The following STK4 variants were observed in gnomAD, a reference collection of about 807,000 sequenced individuals.
The protein encoded by STK4 is serine/threonine-protein kinase 4.
STK4 carries 30 observed loss-of-function variants against 64.9 expected under a neutral mutation model. The ratio of observed to expected loss-of-function variants is 0.46; its 90% CI spans 0.35 to 0.63. STK4 has a LOEUF of 0.63. Among genes scored for constraint, STK4 ranks in the 20% least tolerant of loss-of-function variants. The pLI is 0.01. For missense variants in STK4, 466 were observed against 598.5 expected, an observed-to-expected ratio of 0.78 and a Z score of 2.31; for synonymous variants, 177 against 199.0, an observed-to-expected ratio of 0.89 and a Z score of 0.93.
chr20:45,011,406 C>T (rs984816737), intron 9 of STK4, among the ~76,000 whole-genome samples: 14 of 151,922 alleles, frequency 9.2e-5, no homozygotes, highest in African/African-American at 1.2e-4. Context: ...TTTAAGTAAC[C>T]GCAGTGACAC....
chr20:44,981,639 C>A (rs1172983478), intron 3 of STK4, among the ~76,000 whole-genome samples, 190 bp from the exon 4 acceptor site: 7 of 152,040 alleles, frequency 4.6e-5, no homozygotes, highest in Non-Finnish European at 4.4e-5. Context: ...GTTTTTTATA[C>A]TTTTGTGATT....
At chr20:44,987,086 C>A in intron 4 of STK4, 46 bp from the exon 5 acceptor site, 1 of 1,457,030 alleles carries the variant, frequency 6.9e-7, no homozygotes, top group Non-Finnish European at 9.3e-7. Flanking sequence ...TTTTCTAATG[C>A]GCTGATGTAA....
intron 10 of STK4, among the ~76,000 whole-genome samples, chr20:45,045,916 C>T (rs1030054610): frequency 3.3e-5 from 5 of 152,002 alleles, no homozygotes; most frequent in South Asian, 2.1e-4. Flanking sequence ...AAATGATTCT[C>T]CTGCCTCAGC....
chr20:44,981,287 A>G (rs1312039624), intron 3 of STK4, among the ~76,000 whole-genome samples: 1 of 151,764 alleles, frequency 6.6e-6, no homozygotes, highest in Non-Finnish European at 1.5e-5. Flanking sequence ...CCCGAGTAGC[A>G]GGGACTACAG....
chr20:45,010,437 T>A (rs1017450095), intron 9 of STK4, among the ~76,000 whole-genome samples: 2 of 152,218 alleles, frequency 1.3e-5, no homozygotes, highest in African/African-American at 4.8e-5. Flanking sequence ...TAATAATAAT[T>A]ATTAGTGATT....
intron 10 of STK4, among the ~76,000 whole-genome samples, chr20:45,051,133 T>C (rs1275268720): frequency 6.6e-6 from 1 of 152,184 alleles, no homozygotes; most frequent in East Asian, 1.9e-4. Context: ...CAGAACACCG[T>C]ATTGGTTTTG....
At chr20:44,972,611 G>A (rs1026810617) in intron 2 of STK4, 3 of 152,728 alleles carry the variant, frequency 2.0e-5, no homozygotes, top group African/African-American at 7.2e-5. Flanking sequence ...CCTGGGTTGG[G>A]AGCCAGTGGA....
intron 5 of STK4, among the ~76,000 whole-genome samples, chr20:44,988,527 G>GTA (rs1346353032): frequency 3.3e-5 from 3 of 91,444 alleles, no homozygotes; most frequent in African/African-American, 1.4e-4. Flanking sequence ...ATATATATGT[G>GTA]TGTGTGTATA....
chr20:45,005,017 C>T (rs1456565780), intron 9 of STK4, among the ~76,000 whole-genome samples: 9 of 151,714 alleles, frequency 5.9e-5, no homozygotes, highest in African/African-American at 2.2e-4. Context: ...GTAATCCGCC[C>T]GCCTTGGCCT....
At chr20:44,979,161 G>A (rs939865853) in intron 3 of STK4, among the ~76,000 whole-genome samples, 26 of 152,086 alleles carry the variant, frequency 1.7e-4, no homozygotes, top group African/African-American at 5.8e-4. Context: ...AGAAGGTGGT[G>A]CTTGCTTTTT....
intron 10 of STK4, among the ~76,000 whole-genome samples, chr20:45,026,988 G>A (rs930631965): frequency 6.6e-6 from 1 of 152,122 alleles, no homozygotes; most frequent in Non-Finnish European, 1.5e-5. Context: ...TGTGTATAAG[G>A]ACTGATTTCT....
chr20:45,012,419 T>A (rs1366512147), intron 9 of STK4, among the ~76,000 whole-genome samples: 1 of 152,234 alleles, frequency 6.6e-6, no homozygotes, highest in African/African-American at 2.4e-5. Context: ...ATACACAGAT[T>A]AATTAGGCAG....
chr20:44,996,393 A>G (rs1259882585), intron 6 of STK4, among the ~76,000 whole-genome samples: 1 of 152,088 alleles, frequency 6.6e-6, no homozygotes, highest in Non-Finnish European at 1.5e-5. Flanking sequence ...TCCTTACCAC[A>G]GCTCTTCCTC....
At chr20:45,066,406 C>G (rs997736313) in intron 10 of STK4, among the ~76,000 whole-genome samples, 1 of 152,194 alleles carries the variant, frequency 6.6e-6, no homozygotes. Flanking sequence ...AAATCATATT[C>G]TTTATACATA....
chr20:45,071,255 C>A lies in STK4; in HGVS notation c.1306-3763C>A, dbSNP rs759845345. ...AAAACAGCTCAAGCTACTTACATGG[C>A]TGGATTGAGAATTTGCTGCTTCAAG... is the stretch of plus-strand genomic sequence containing the variant. On this transcript the variant is annotated intron_variant, in intron 10 of 10. Coordinates refer to ENST00000372806, the MANE Select transcript of STK4 (RefSeq NM_006282.5). Among the ~76,000 whole-genome samples the A allele has an allele frequency of 1.8e-4, 27 of 152,254 alleles. No individual in the cohort carries two copies. In the Middle Eastern group the frequency reaches 0.01, roughly 58 times the overall value.
At chr20:45,067,771 G>C (rs963207499) in intron 10 of STK4, among the ~76,000 whole-genome samples, 19 of 152,190 alleles carry the variant, frequency 1.2e-4, no homozygotes, top group Admixed American at 6.5e-4. Flanking sequence ...TTGCTAAGGT[G>C]ATTTATGAAG....
At chr20:45,021,605 A>G (rs1205658664) in intron 9 of STK4, among the ~76,000 whole-genome samples, 1 of 152,216 alleles carries the variant, frequency 6.6e-6, no homozygotes, top group Non-Finnish European at 1.5e-5. Flanking sequence ...TCCATAAAAT[A>G]TTTCATCTGC....
At chr20:45,009,588 A>T (rs746939988) in intron 9 of STK4, among the ~76,000 whole-genome samples, 1 of 152,214 alleles carries the variant, frequency 6.6e-6, no homozygotes, top group Non-Finnish European at 1.5e-5. Context: ...TGGCAATTTT[A>T]TAGGAATAGT....
At chr20:45,004,983 G>C (rs1341117729) in intron 9 of STK4, among the ~76,000 whole-genome samples, 3 of 151,584 alleles carry the variant, frequency 2.0e-5, no homozygotes, top group African/African-American at 7.3e-5. Context: ...ATGTTGGTCA[G>C]GCTGGTCTCA....
Sources: allele counts gnomAD v4.1 joint callset (sites outside exome capture counted in the v4.1 genomes callset), GRCh38; gene constraint gnomAD v4.1.1; transcripts MANE v1.5; gene names NCBI Gene and HGNC (gene_info 2026-07-23, HGNC 2026-07-21).